LRRC9: variants seen among roughly 807,000 people sequenced by gnomAD.
The protein encoded by LRRC9 is leucine-rich repeat-containing protein 9.
LRRC9 carries 122 observed loss-of-function variants against 63.2 expected under a neutral mutation model. That is an observed-to-expected ratio of 1.93 (90% CI 1.67 to 2.24). LRRC9 has a LOEUF of 2.24. Among genes scored for constraint, LRRC9 ranks in the 30% most tolerant of loss-of-function variants. The pLI is 0.00. For missense variants in LRRC9, 1,071 were observed against 627.7 expected (o/e 1.71, Z -7.55); for synonymous variants, 366 against 213.1 (o/e 1.72, Z -6.25).
chr14:59,977,895 C>T, intron 14 of LRRC9, 122 bp from the exon 15 acceptor site: 1 of 490,626 alleles, frequency 2.0e-6, no homozygotes. Context: ...AAGAAAAAAT[C>T]TTCAATAATA....
At chr14:60,019,693 C>T (rs938936494) in intron 26 of LRRC9, among the ~76,000 whole-genome samples, 2 of 151,188 alleles carry the variant, frequency 1.3e-5, no homozygotes, top group Non-Finnish European at 1.5e-5. Flanking sequence ...GTAGCATGGA[C>T]GTGGGCTTTT....
rs371328367 is a variant in LRRC9 at position 59,928,634 on chromosome 14, A to C, written c.267+148A>C. The C allele has an allele frequency of 1.2e-3, 511 of 420,438 alleles. 3 individuals carry two copies. In the Middle Eastern group the frequency reaches 0.015, roughly 12 times the overall value. 26.0% of individuals were successfully genotyped at this position (420,438 alleles called of 1,614,324 possible). On this transcript the variant is annotated intron_variant, in intron 3 of 31. Transcript: ENST00000445360. ...GAAATTGATTTGTACAAAGGAAAAAATAAAAATAAGGAATTAGAACATAAA... is the reference window on the plus strand; with the variant it reads ...GAAATTGATTTGTACAAAGGAAAAACTAAAAATAAGGAATTAGAACATAAA...
chr14:59,975,104 T>TATATATGTATAC (rs1886034387), intron 13 of LRRC9, among the ~76,000 whole-genome samples: 1 of 14,586 alleles, frequency 6.9e-5, no homozygotes, highest in African/African-American at 1.5e-4. Context: ...TATATATACA[T>TATATATGTATAC]ATATATATGT....
chr14:59,932,043 T>C lies in LRRC9; in HGVS notation c.543+4T>C. ...TAACCAAATATGTTCTTTCAAGGTA[T>C]GTTTAAGTGGAATAATTAATTTTTA... is the stretch of plus-strand genomic sequence containing the variant. On this transcript the variant is annotated splice_donor_region_variant and intron_variant, in intron 6 of 31. Transcript: ENST00000445360. This position sits in a 1 kb window ranked among gnomAD's most constrained non-coding sequence, Gnocchi z 4.7. 2 of 696,664 alleles carry C rather than the reference T, an allele frequency of 2.9e-6. No individual in the cohort carries two copies. The highest frequency in any genetic ancestry group is 5.2e-6 in the Non-Finnish European group (2 of 382,410). 43.2% of individuals were successfully genotyped at this position (696,664 alleles called of 1,614,324 possible).
chr14:59,947,439 T>C (rs1262992366), intron 8 of LRRC9, among the ~76,000 whole-genome samples: 3 of 125,296 alleles, frequency 2.4e-5, no homozygotes, highest in Non-Finnish European at 4.9e-5. Flanking sequence ...TGCAAAAATT[T>C]TCTCCCATGT....
exon 9 of LRRC9, chr14:59,960,000 C>G (rs1460260958): frequency 4.5e-6 from 3 of 661,598 alleles, no homozygotes; most frequent in African/African-American, 3.6e-5. Flanking sequence ...CATTCTGGAA[C>G]AAAAAACTAG....
At position 59,925,194 on chromosome 14, in the gene LRRC9, A is replaced by G. The variant is rs1381526078; in HGVS notation, c.-33-2717A>G. ...TCTTTGTGGTGCTAGCTTGGGTCCC[A>G]TCCCTCCTTCTTGACTCAGTGTCTT... is the stretch of plus-strand genomic sequence containing the variant. On this transcript the variant is annotated intron_variant, in intron 1 of 31. Coordinates refer to ENST00000445360, the Ensembl canonical transcript of LRRC9. Among the ~76,000 whole-genome samples the G allele has an allele frequency of 5.9e-5, 9 of 152,146 alleles. No individual in the cohort carries two copies. The South Asian group carries it at 1.9e-3, about 31-fold the overall frequency.
chr14:60,035,895 T>C (rs947539663), intron 29 of LRRC9, among the ~76,000 whole-genome samples: 1 of 152,194 alleles, frequency 6.6e-6, no homozygotes, highest in East Asian at 1.9e-4. Flanking sequence ...TTGCACTGAA[T>C]ATGTAAATTG....
rs1412249372 is a variant in LRRC9 at position 59,923,535 on chromosome 14, A to G, written c.-34+3652A>G. On this transcript the variant is annotated intron_variant, in intron 1 of 31. Transcript: ENST00000445360. This position sits in a 1 kb window ranked among gnomAD's most constrained non-coding sequence, Gnocchi z 4.2. ...ACTGCATTTTTTAAAACTAAATACA[A>G]AATAATCCTAAATTTTATTTGGAAA... Among the ~76,000 whole-genome samples, 1 of 152,246 alleles carries G rather than the reference A, an allele frequency of 6.6e-6. No homozygotes were observed. Among genetic ancestry groups the G allele is most frequent in the Non-Finnish European group, 1.5e-5 (1 of 68,048 alleles).
At chr14:60,019,380 CTATT>C in intron 26 of LRRC9, 120 bp downstream of exon 26, 1 of 453,716 alleles carries the variant, frequency 2.2e-6, no homozygotes, top group East Asian at 3.4e-5. Flanking sequence ...ATTGTAATAC[CTATT>C]TTATTTAATA....
intron 12 of LRRC9, chr14:59,969,022 T>G (rs1372318514): frequency 6.6e-6 from 1 of 152,212 alleles, no homozygotes; most frequent in Admixed American, 6.5e-5. Context: ...CATGGTAGTA[T>G]TTTGGACGTA....
At position 60,053,922 on chromosome 14, in the gene LRRC9, G is replaced by C. The variant is rs907789072; in HGVS notation, c.4131+717G>C. On this transcript the variant is annotated intron_variant, in intron 30 of 31. Transcript: ENST00000445360. The surrounding 1 kb of genome is among the most constrained non-coding windows in gnomAD (Gnocchi z 4.8). ...TGTGGTTTGAGAAAAAAAGAGGCTG[G>C]AGGGAGAAGGGAAACCAGCTCAGAG... The C allele has an allele frequency of 2.2e-6, 1 of 455,616 alleles. No homozygotes were observed. Among genetic ancestry groups the C allele is most frequent in the African/African-American group, 2.0e-5 (1 of 50,026 alleles). 28.2% of individuals were successfully genotyped at this position (455,616 alleles called of 1,614,324 possible). A position where few individuals can be genotyped will look rare whatever the true frequency, so the allele number is the denominator to read the frequency against.
In LRRC9 at chr14:59,927,673, G is replaced by A. The variant is rs970147891; in HGVS notation, c.-33-238G>A. ...CATCGTGTGGAAAAAAAGTTATACC[G>A]AGGAGGTATACTGACAACAAAAGGG... On this transcript the variant is annotated intron_variant, in intron 1 of 31. Coordinates refer to ENST00000445360, the Ensembl canonical transcript of LRRC9. This position sits in a 1 kb window ranked among gnomAD's most constrained non-coding sequence, Gnocchi z 4.4. Among the ~76,000 whole-genome samples, 4 of 151,822 alleles carry A rather than the reference G, an allele frequency of 2.6e-5. No individual in the cohort carries two copies. Among genetic ancestry groups the A allele is most frequent in the Admixed American group, 1.3e-4 (2 of 15,230 alleles).
exon 32 of LRRC9, chr14:60,063,329 T>C: frequency 4.3e-6 from 3 of 701,870 alleles, no homozygotes; most frequent in Non-Finnish European, 7.8e-6. Flanking sequence ...ACAGAATTTT[T>C]GGGAGCAACT....
chr14:60,047,821 A>G (rs188807953), intron 29 of LRRC9, among the ~76,000 whole-genome samples: 1 of 152,234 alleles, frequency 6.6e-6, no homozygotes, highest in Admixed American at 6.5e-5. Context: ...AGAACTCTCT[A>G]CCCCCCAGCA....
chr14:59,928,223 A>G (rs1180612045), intron 2 of LRRC9, 45 bp from the exon 3 acceptor site: 2 of 564,442 alleles, frequency 3.5e-6, no homozygotes, highest in Admixed American at 3.5e-5. Flanking sequence ...TCATCTTTTA[A>G]TTATTTAAAA....
intron 23 of LRRC9, among the ~76,000 whole-genome samples, chr14:60,015,946 G>T (rs1566878139): frequency 1.3e-5 from 2 of 152,132 alleles, no homozygotes; most frequent in African/African-American, 2.4e-5. Flanking sequence ...GCAGGAGTAG[G>T]CTTGTTATCG....
chr14:60,028,031 TA>T lies in LRRC9; in HGVS notation c.3852del (p.Arg1285GlufsTer10). 1.4e-6 allele frequency: 1 copy of T among 701,810 alleles called. No individual in the cohort carries two copies. The highest frequency in any genetic ancestry group is 2.7e-5 in the East Asian group (1 of 37,246). The allele number at this position is 701,810 out of a possible 1,614,324, so 43.5% of individuals were successfully genotyped here. A position where few individuals can be genotyped will look rare whatever the true frequency, so the allele number is the denominator to read the frequency against. On this transcript the variant is annotated frameshift_variant, in exon 28 of 32. Transcript: ENST00000445360. LOFTEE classifies it high-confidence loss of function. ...GCACTTCACTTGGAGGAAAACAGAC[TA>T]CGAGAACTGGGCAAATTACAATCTT... is the stretch of plus-strand genomic sequence containing the variant.
At chr14:59,970,394 G>T (rs1885354379) in intron 12 of LRRC9, among the ~76,000 whole-genome samples, 1 of 152,078 alleles carries the variant, frequency 6.6e-6, no homozygotes. Context: ...ATGAACCTAT[G>T]TATGCACGTG....
Sources: gnomAD v4.1 joint callset for allele counts (sites outside exome capture counted in the v4.1 genomes callset) on GRCh38, gnomAD v4.1.1 for gene constraint, Gnocchi (gnomAD v3.1) non-coding constraint, MANE v1.5 for transcripts, NCBI Gene and HGNC (gene_info 2026-07-23, HGNC 2026-07-21) for gene names.